Variants in ARHGEF38 observed in about 807,000 individuals in gnomAD.
ARHGEF38 encodes Rho guanine nucleotide exchange factor (GEF) 38.
ARHGEF38 carries 79 observed loss-of-function variants against 79.9 expected under a neutral mutation model. The ratio of observed to expected loss-of-function variants is 0.99; its 90% confidence interval spans 0.82 to 1.19. The LOEUF (loss-of-function observed/expected upper bound fraction) is 1.19, where lower values mean the gene tolerates loss of function less well. ARHGEF38 is among the 50% of genes most tolerant of loss of function. ARHGEF38 has a pLI of 0.00. For synonymous variants in ARHGEF38, 366 were observed against 328.3 expected (o/e 1.11, Z -1.24); for missense variants, 962 against 907.2 (o/e 1.06, Z -0.78).
In ARHGEF38 at chr4:105,680,276, G is replaced by C. The variant is rs1731263943; in HGVS notation, c.*2339G>C. ...TAAAGCATATGCAAAATAGAAAAATGATAGTCACCACATATCTACTAATGG... is the reference window on the plus strand; with the variant it reads ...TAAAGCATATGCAAAATAGAAAAATCATAGTCACCACATATCTACTAATGG... On this transcript the variant is annotated 3_prime_UTR_variant, in exon 14 of 14. Transcript: ENST00000420470. 1 of 357,226 alleles carries C rather than the reference G, an allele frequency of 2.8e-6. No individual in the cohort carries two copies. The highest frequency in any genetic ancestry group is 2.1e-5 in the African/African-American group (1 of 47,394). The allele number at this position is 357,226 out of a possible 1,614,324, so 22.1% of individuals were successfully genotyped here.
At chr4:105,666,475 A>G (rs1730753979) in intron 11 of ARHGEF38, among the ~76,000 whole-genome samples, 155 bp downstream of exon 11, 1 of 152,188 alleles carries the variant, frequency 6.6e-6, no homozygotes, top group Non-Finnish European at 1.5e-5. Flanking sequence ...CCTATATACC[A>G]TAAGCTCCAT....
chr4:105,670,478 AC>A (rs1320155369), intron 13 of ARHGEF38, among the ~76,000 whole-genome samples: 2 of 152,068 alleles, frequency 1.3e-5, no homozygotes, highest in African/African-American at 4.8e-5. Context: ...TTTAAAAAAA[AC>A]TGGGTCATTT....
At chr4:105,599,026 G>A (rs915848658) in intron 2 of ARHGEF38, among the ~76,000 whole-genome samples, 5 of 152,086 alleles carry the variant, frequency 3.3e-5, no homozygotes, top group Non-Finnish European at 5.9e-5. Flanking sequence ...CTGGAGGGAC[G>A]TTTCTGTTTT....
At chr4:105,613,342 T>C (rs1311113621) in intron 2 of ARHGEF38, 42 bp from the exon 3 acceptor site, 13 of 1,601,008 alleles carry the variant, frequency 8.1e-6, no homozygotes, top group South Asian at 1.1e-5. Flanking sequence ...ACATCCTAAA[T>C]ACAGTGCTTC....
rs974851717 is a variant in ARHGEF38, at chr4:105,621,696, A to G, written c.508+8189A>G. On this transcript the variant is annotated intron_variant, in intron 3 of 13. Transcript: ENST00000420470. ...ATCATAATGCTGTGTGGGAGATACT[A>G]CATTGGAGCTCACTTAAATGAATTT... 3.3e-5 allele frequency among the ~76,000 whole-genome samples: 5 copies of G among 152,290 alleles called. 1 individual carries two copies. The South Asian group carries it at 1.0e-3, about 32-fold the overall frequency.
At chr4:105,585,107 T>C (rs1726971456) in intron 1 of ARHGEF38, among the ~76,000 whole-genome samples, 1 of 152,190 alleles carries the variant, frequency 6.6e-6, no homozygotes, top group African/African-American at 2.4e-5. Flanking sequence ...AACCACAAAA[T>C]AATGGGATAA....
intron 1 of ARHGEF38, among the ~76,000 whole-genome samples, chr4:105,553,253 T>A (rs1725086176): frequency 6.6e-6 from 1 of 152,168 alleles, no homozygotes; most frequent in South Asian, 2.1e-4. Flanking sequence ...TCTTTTCTTC[T>A]CCCTTCTCTA....
At chr4:105,630,383 G>A (rs1729133704) in intron 3 of ARHGEF38, among the ~76,000 whole-genome samples, 1 of 151,992 alleles carries the variant, frequency 6.6e-6, no homozygotes, top group South Asian at 2.1e-4. Context: ...GAGTAGCTGG[G>A]GCTACAGGTC....
At chr4:105,638,513 A>C (rs1288221577) in intron 5 of ARHGEF38, among the ~76,000 whole-genome samples, 1 of 152,126 alleles carries the variant, frequency 6.6e-6, no homozygotes, top group Non-Finnish European at 1.5e-5. Context: ...AAATATTATA[A>C]ATTATTTTCT....
intron 1 of ARHGEF38, among the ~76,000 whole-genome samples, chr4:105,576,262 A>T (rs1049735568): frequency 2.0e-5 from 3 of 152,114 alleles, no homozygotes; most frequent in Non-Finnish European, 4.4e-5. Context: ...CACAGTATTG[A>T]TTATTCCAAT....
At chr4:105,676,661 AT>A (rs1183134255) in intron 13 of ARHGEF38, among the ~76,000 whole-genome samples, 1 of 152,196 alleles carries the variant, frequency 6.6e-6, no homozygotes, top group Non-Finnish European at 1.5e-5. Context: ...CTTAATAATT[AT>A]AAATTGTTCT....
intron 10 of ARHGEF38, among the ~76,000 whole-genome samples, chr4:105,664,237 T>G (rs942134316): frequency 2.0e-5 from 3 of 152,234 alleles, no homozygotes; most frequent in Non-Finnish European, 4.4e-5. Context: ...TCATTTTTAT[T>G]AGAGTTATAC....
chr4:105,554,578 T>C (rs892329388), intron 1 of ARHGEF38, among the ~76,000 whole-genome samples: 2 of 152,198 alleles, frequency 1.3e-5, no homozygotes, highest in Non-Finnish European at 2.9e-5. Flanking sequence ...GATGAATATG[T>C]ACCATGAGAA....
chr4:105,663,614 G>A (rs58914657), intron 10 of ARHGEF38, among the ~76,000 whole-genome samples: 20,267 of 152,152 alleles, frequency 0.13, 2,006 homozygotes, highest in African/African-American at 0.28. Context: ...AGATTCATTC[G>A]TGTTGTAGCA....
chr4:105,604,176 G>C (rs776866912), intron 2 of ARHGEF38, among the ~76,000 whole-genome samples: 4 of 152,176 alleles, frequency 2.6e-5, no homozygotes, highest in Non-Finnish European at 4.4e-5. Flanking sequence ...GACTTCATGT[G>C]TGTGGGGAAG....
intron 7 of ARHGEF38, among the ~76,000 whole-genome samples, chr4:105,650,572 C>G (rs1730058741): frequency 6.6e-6 from 1 of 152,234 alleles, no homozygotes; most frequent in African/African-American, 2.4e-5. Context: ...TAGACTTTCT[C>G]TTTACTCCTA....
intron 1 of ARHGEF38, among the ~76,000 whole-genome samples, chr4:105,566,933 A>G (rs1045494294): frequency 6.6e-6 from 1 of 152,028 alleles, no homozygotes; most frequent in African/African-American, 2.4e-5. Flanking sequence ...TTGTATTTTT[A>G]GTAGAGACAA....
intron 7 of ARHGEF38, among the ~76,000 whole-genome samples, chr4:105,649,813 A>G (rs901766110): frequency 6.6e-6 from 1 of 152,166 alleles, no homozygotes; most frequent in African/African-American, 2.4e-5. Context: ...CTATATTTCA[A>G]TCTTGACACT....
chr4:105,663,570 T>C (rs1730639760), intron 10 of ARHGEF38, among the ~76,000 whole-genome samples: 1 of 152,260 alleles, frequency 6.6e-6, no homozygotes. Flanking sequence ...TTTGTCTCTG[T>C]GACTGCCTTA....
Sources: gnomAD v4.1 joint callset for allele counts (sites outside exome capture counted in the v4.1 genomes callset) on GRCh38, gnomAD v4.1.1 for gene constraint, MANE v1.5 for transcripts, NCBI Gene and HGNC (gene_info 2026-07-23, HGNC 2026-07-21) for gene names.